DLGAP2: variants seen among roughly 807,000 people sequenced by gnomAD.
The protein encoded by DLGAP2 is disks large-associated protein 2.
A neutral mutation model predicts 100.3 loss-of-function variants in DLGAP2; 26 were observed. That is an observed-to-expected ratio of 0.26 (90% CI 0.19 to 0.36). DLGAP2 has a LOEUF of 0.36. Ranked by LOEUF, DLGAP2 falls within the 10% of genes least tolerant of loss-of-function variation. DLGAP2 has a pLI of 1.00. For missense variants in DLGAP2, 1,858 were observed against 1,453.2 expected, an observed-to-expected ratio of 1.28 and a Z score of -4.53; for synonymous variants, 886 against 630.1, an observed-to-expected ratio of 1.41 and a Z score of -6.08.
Position 1,313,309 on chromosome 8 carries a change from G to A in DLGAP2, c.106+54426G>A, listed in dbSNP as rs1410944627. Among the ~76,000 whole-genome samples, 3 of 152,176 alleles carry A rather than the reference G, an allele frequency of 2.0e-5. No homozygotes were observed. In the East Asian group the frequency reaches 5.8e-4, roughly 29 times the overall value. On this transcript the variant is annotated intron_variant, in intron 3 of 14. Coordinates refer to ENST00000637795, the MANE Select transcript of DLGAP2 (RefSeq NM_001346810.2). ...ATATATATTCAGTGTTGATTTAACA[G>A]TTAGAATGTAAAACTTGACACTTAG...
intron 1 of DLGAP2, among the ~76,000 whole-genome samples, chr8:790,114 A>G (rs1393552676): frequency 6.6e-6 from 1 of 152,174 alleles, no homozygotes; most frequent in Non-Finnish European, 1.5e-5. Flanking sequence ...TAAGAATTTG[A>G]GGAGAAAAGG....
intron 1 of DLGAP2, among the ~76,000 whole-genome samples, chr8:881,676 C>T (rs1201351046): frequency 0.012 from 618 of 52,914 alleles, 17 homozygotes; most frequent in African/African-American, 0.035. Flanking sequence ...AACACACACA[C>T]ACACACTTTT....
chr8:1,444,632 G>C (rs939483992), intron 3 of DLGAP2, among the ~76,000 whole-genome samples: 38 of 152,046 alleles, frequency 2.5e-4, no homozygotes, highest in African/African-American at 7.0e-4. Flanking sequence ...CCCTCCTTCA[G>C]GGTCTTCTTT....
At chr8:1,171,842 G>C (rs1478260108) in intron 2 of DLGAP2, among the ~76,000 whole-genome samples, 1 of 152,076 alleles carries the variant, frequency 6.6e-6, no homozygotes, top group Non-Finnish European at 1.5e-5. Context: ...TATCCAATTT[G>C]CCAGTCTGTG....
intron 3 of DLGAP2, among the ~76,000 whole-genome samples, chr8:1,490,930 T>G (rs13258019): frequency 6.8e-6 from 1 of 146,980 alleles, no homozygotes; most frequent in African/African-American, 2.5e-5. Flanking sequence ...TGCTAAATGA[T>G]GAGTTAATGG....
chr8:1,591,445 A>G (rs979364623), intron 6 of DLGAP2, among the ~76,000 whole-genome samples: 6 of 152,170 alleles, frequency 3.9e-5, no homozygotes, highest in Admixed American at 1.3e-4. Context: ...GCATTTTTCA[A>G]TTCTTTTGAG....
intron 2 of DLGAP2, among the ~76,000 whole-genome samples, chr8:1,190,866 C>T (rs554571207): frequency 1.2e-4 from 19 of 152,140 alleles, no homozygotes; most frequent in South Asian, 1.2e-3. Context: ...CAGCAGCAAG[C>T]GTGGGGTCTG....
chr8:775,256 CA>C (rs887716991), intron 1 of DLGAP2, among the ~76,000 whole-genome samples: 7 of 152,048 alleles, frequency 4.6e-5, no homozygotes, highest in Middle Eastern at 3.2e-3. Flanking sequence ...TGGGCTGAGA[CA>C]ATGGGGTTTT....
chr8:1,511,296 T>C (rs1365789196), intron 4 of DLGAP2, among the ~76,000 whole-genome samples: 1 of 151,208 alleles, frequency 6.6e-6, no homozygotes, highest in African/African-American at 2.4e-5. Context: ...CCATCTACCA[T>C]GGACGTAAGG....
chr8:1,214,704 C>G (rs17065838), intron 2 of DLGAP2, among the ~76,000 whole-genome samples: 2 of 152,166 alleles, frequency 1.3e-5, no homozygotes, highest in African/African-American at 4.8e-5. Context: ...GTGCACTGCA[C>G]CTAGTTCTTC....
chr8:1,650,950 G>A (rs187456189), intron 8 of DLGAP2, among the ~76,000 whole-genome samples: 3 of 152,140 alleles, frequency 2.0e-5, no homozygotes, highest in African/African-American at 4.8e-5. Context: ...ATGGGAGGAC[G>A]GTACGGACAT....
intron 3 of DLGAP2, among the ~76,000 whole-genome samples, chr8:1,355,395 C>T (rs1007262021): frequency 6.6e-6 from 1 of 152,098 alleles, no homozygotes; most frequent in South Asian, 2.1e-4. Flanking sequence ...GATGGAGTCT[C>T]GCTCTGTCAC....
rs192201397 is a variant in DLGAP2, at chr8:1,417,861, A to T, written c.107-83505A>T. 4.6e-5 allele frequency among the ~76,000 whole-genome samples: 7 copies of T among 152,370 alleles called. No individual in the cohort carries two copies. The East Asian group carries it at 1.3e-3, about 29-fold the overall frequency. ...TATTACCTCATCTTTATTGGCGGGA[A>T]TTCAGAGTTCACAACACAAAAGTGC... is the stretch of plus-strand genomic sequence containing the variant. On this transcript the variant is annotated intron_variant, in intron 3 of 14. Transcript: ENST00000637795.
At chr8:1,178,444 C>T (rs1481687064) in intron 2 of DLGAP2, among the ~76,000 whole-genome samples, 1 of 152,166 alleles carries the variant, frequency 6.6e-6, no homozygotes, top group Non-Finnish European at 1.5e-5. Flanking sequence ...CTCTGTGTTT[C>T]TGTCCTGCTT....
intron 2 of DLGAP2, among the ~76,000 whole-genome samples, chr8:1,168,962 T>C (rs1797072466): frequency 6.9e-6 from 1 of 144,954 alleles, no homozygotes; most frequent in East Asian, 2.0e-4. Context: ...TGCCCATGCC[T>C]ATGTCCTGAA....
chr8:1,638,554 C>T (rs569026425), intron 8 of DLGAP2, among the ~76,000 whole-genome samples: 2 of 152,282 alleles, frequency 1.3e-5, no homozygotes, highest in East Asian at 1.9e-4. Context: ...TGCAGAAGAG[C>T]ACGGAGAAGA....
chr8:970,712 T>C (rs1367032176), intron 2 of DLGAP2, among the ~76,000 whole-genome samples: 1 of 152,182 alleles, frequency 6.6e-6, no homozygotes. Flanking sequence ...AAATGGCTCT[T>C]AAAATTTAGT....
At chr8:1,041,904 A>G (rs1436342953) in intron 2 of DLGAP2, among the ~76,000 whole-genome samples, 1 of 152,172 alleles carries the variant, frequency 6.6e-6, no homozygotes, top group Non-Finnish European at 1.5e-5. Context: ...ATGTCGGGTA[A>G]CCATCAGTGC....
At chr8:1,209,468 G>T (rs76380623) in intron 2 of DLGAP2, among the ~76,000 whole-genome samples, 4 of 152,158 alleles carry the variant, frequency 2.6e-5, no homozygotes, top group Non-Finnish European at 5.9e-5. Flanking sequence ...GATCTGTGCT[G>T]GTCCCATGGT....
Sources: allele counts gnomAD v4.1 joint callset (sites outside exome capture counted in the v4.1 genomes callset), GRCh38; gene constraint gnomAD v4.1.1; transcripts MANE v1.5; gene names NCBI Gene and HGNC (gene_info 2026-07-23, HGNC 2026-07-21).